The following MLLT3 variants were observed in gnomAD, a reference collection of about 807,000 sequenced individuals.
MLLT3 encodes protein AF-9.
Under a neutral mutation model 53.2 loss-of-function variants are expected in MLLT3, and 4 were observed. That is an observed-to-expected ratio of 0.08 (90% CI 0.04 to 0.17). The LOEUF (loss-of-function observed/expected upper bound fraction) is 0.17. MLLT3 is among the 10% of genes least tolerant of loss of function. MLLT3 has a pLI of 1.00. For missense variants in MLLT3, 569 were observed against 684.0 expected (o/e 0.83, Z 1.87); for synonymous variants, 283 against 230.6 (o/e 1.23, Z -2.06).
intron 2 of MLLT3, among the ~76,000 whole-genome samples, chr9:20,572,303 C>T (rs1435298815): frequency 1.3e-5 from 2 of 151,976 alleles, no homozygotes; most frequent in African/African-American, 4.8e-5. Flanking sequence ...GGAAGCTGAC[C>T]ACGGTTAATA....
intron 2 of MLLT3, among the ~76,000 whole-genome samples, chr9:20,535,669 G>A (rs1430692816): frequency 2.0e-5 from 3 of 152,118 alleles, no homozygotes; most frequent in African/African-American, 4.8e-5. Flanking sequence ...ATTACAATAC[G>A]TACTGACCAG....
chr9:20,481,073 T>C (rs1235626423), intron 2 of MLLT3, among the ~76,000 whole-genome samples: 1 of 152,146 alleles, frequency 6.6e-6, no homozygotes, highest in Non-Finnish European at 1.5e-5. Flanking sequence ...AAACTAAGTA[T>C]TATTGGTAAA....
At chr9:20,595,553 G>A (rs1410582894) in intron 2 of MLLT3, among the ~76,000 whole-genome samples, 1 of 152,022 alleles carries the variant, frequency 6.6e-6, no homozygotes, top group African/African-American at 2.4e-5. Context: ...AATAGATCCT[G>A]TATCTATCAT....
intron 2 of MLLT3, among the ~76,000 whole-genome samples, chr9:20,514,021 G>A (rs1220748327): frequency 6.6e-6 from 1 of 152,200 alleles, no homozygotes; most frequent in Non-Finnish European, 1.5e-5. Context: ...GGAAGGGGTA[G>A]TAGGGAAAGA....
At chr9:20,594,775 T>C (rs1470590028) in intron 2 of MLLT3, among the ~76,000 whole-genome samples, 1 of 152,152 alleles carries the variant, frequency 6.6e-6, no homozygotes, top group Admixed American at 6.5e-5. Flanking sequence ...CGCATTAGCA[T>C]GGTAAAAGAC....
intron 5 of MLLT3, among the ~76,000 whole-genome samples, chr9:20,371,969 T>C (rs897449416): frequency 2.0e-5 from 3 of 152,218 alleles, no homozygotes; most frequent in Non-Finnish European, 4.4e-5. Context: ...TAAAAGGAGT[T>C]TGGAAAAAGC....
intron 2 of MLLT3, among the ~76,000 whole-genome samples, chr9:20,551,701 T>TAC (rs776518006): frequency 1.3e-5 from 2 of 152,236 alleles, no homozygotes; most frequent in East Asian, 3.8e-4. Flanking sequence ...GAGTGCTAAC[T>TAC]ACTGTATACT....
chr9:20,526,199 G>C (rs1406070068), intron 2 of MLLT3, among the ~76,000 whole-genome samples: 3 of 152,156 alleles, frequency 2.0e-5, no homozygotes, highest in Non-Finnish European at 4.4e-5. Context: ...GCTTATCAAA[G>C]ACTAGTGTAC....
intron 2 of MLLT3, among the ~76,000 whole-genome samples, chr9:20,614,485 C>T (rs1441238916): frequency 3.3e-5 from 5 of 151,912 alleles, no homozygotes; most frequent in African/African-American, 2.4e-5. Flanking sequence ...AAAAAGCACA[C>T]ACTTGTTGAA....
intron 2 of MLLT3, among the ~76,000 whole-genome samples, chr9:20,579,932 C>A (rs545067511): frequency 6.6e-6 from 1 of 152,252 alleles, no homozygotes; most frequent in South Asian, 2.1e-4. Flanking sequence ...AGACCCCAGG[C>A]AGATTTTTGT....
intron 2 of MLLT3, among the ~76,000 whole-genome samples, chr9:20,530,392 C>T (rs908390895): frequency 2.0e-5 from 3 of 152,108 alleles, no homozygotes; most frequent in African/African-American, 7.2e-5. Context: ...TATTCACATA[C>T]AATGAAAGGC....
rs753896334 is a variant in MLLT3, at chr9:20,413,835, C to T, written c.1011G>A (p.Lys337=). 10 of 1,613,946 alleles carry T rather than the reference C, an allele frequency of 6.2e-6. No individual in the cohort carries two copies. In the East Asian group the frequency reaches 2.0e-4, roughly 32 times the overall value. Residue 337 remains lysine (K), a synonymous_variant, in exon 5 of 11, where the codon AAG becomes AAA. Transcript: ENST00000380338. ...IKDKSHVKMG[K]VKIESETSEK... ...CTGATGTCTCACTTTCAATTTTGACCTTTCCCATCTTGACATGAGATTTAT... is the reference window on the plus strand; with the variant it reads ...CTGATGTCTCACTTTCAATTTTGACTTTTCCCATCTTGACATGAGATTTAT...
intron 4 of MLLT3, among the ~76,000 whole-genome samples, chr9:20,427,821 A>G (rs145630291): frequency 3.4e-4 from 52 of 152,174 alleles, no homozygotes; most frequent in African/African-American, 1.1e-3. Flanking sequence ...CAGTAAATGC[A>G]CTGTATAAAT....
intron 5 of MLLT3, among the ~76,000 whole-genome samples, chr9:20,366,155 C>T (rs987156068): frequency 1.5e-4 from 23 of 152,036 alleles, no homozygotes; most frequent in African/African-American, 5.3e-4. Context: ...ACCCATCAAC[C>T]CATCATCTAC....
intron 2 of MLLT3, among the ~76,000 whole-genome samples, chr9:20,583,098 G>A (rs913720765): frequency 5.3e-5 from 8 of 152,142 alleles, no homozygotes; most frequent in East Asian, 1.9e-4. Flanking sequence ...GATACAATGG[G>A]AGTACAGACA....
intron 2 of MLLT3, among the ~76,000 whole-genome samples, chr9:20,577,000 A>G (rs1819672044): frequency 6.6e-6 from 1 of 152,168 alleles, no homozygotes; most frequent in South Asian, 2.1e-4. Flanking sequence ...CTATATCTGC[A>G]AAGCACCATA....
chr9:20,493,269 C>T (rs1314587199), intron 2 of MLLT3, among the ~76,000 whole-genome samples: 4 of 151,958 alleles, frequency 2.6e-5, no homozygotes, highest in Non-Finnish European at 5.9e-5. Context: ...AAGCATCCTA[C>T]CTATCCTATA....
intron 2 of MLLT3, among the ~76,000 whole-genome samples, chr9:20,540,056 A>T (rs1818587880): frequency 6.6e-6 from 1 of 152,260 alleles, no homozygotes; most frequent in Admixed American, 6.5e-5. Flanking sequence ...ACTAAATCTT[A>T]AAGCTTCAAA....
chr9:20,549,238 A>C (rs986797930), intron 2 of MLLT3, among the ~76,000 whole-genome samples: 1 of 152,216 alleles, frequency 6.6e-6, no homozygotes, highest in Non-Finnish European at 1.5e-5. Context: ...GCAACATCAG[A>C]ATGAGAAAAG....
Sources: allele counts gnomAD v4.1 joint callset (sites outside exome capture counted in the v4.1 genomes callset), GRCh38; gene constraint gnomAD v4.1.1; transcripts MANE v1.5; gene names NCBI Gene and HGNC (gene_info 2026-07-23, HGNC 2026-07-21).